NRXN1: variants seen among roughly 807,000 people sequenced by gnomAD.
The protein encoded by NRXN1 is neurexin 1, also known as neurexin-1.
Under a neutral mutation model 150.9 loss-of-function variants are expected in NRXN1, and 39 were observed. That is an observed-to-expected ratio of 0.26 (90% CI 0.20 to 0.34). The LOEUF (loss-of-function observed/expected upper bound fraction) is 0.34. Among genes scored for constraint, NRXN1 ranks in the 10% least tolerant of loss-of-function variants. The pLI, the probability that NRXN1 is intolerant of heterozygous loss-of-function variation, is 1.00. For missense variants in NRXN1, 1,815 were observed against 1,949.9 expected (o/e 0.93, Z 1.30); for synonymous variants, 924 against 757.0 (o/e 1.22, Z -3.62).
At chr2:50,447,919 G>C (rs1225549807) in intron 17 of NRXN1, among the ~76,000 whole-genome samples, 1 of 151,302 alleles carries the variant, frequency 6.6e-6, no homozygotes, top group African/African-American at 2.4e-5. Flanking sequence ...TATTAAGTCT[G>C]AGAGATGTGT....
chr2:50,491,609 G>C (rs559665386), intron 15 of NRXN1, among the ~76,000 whole-genome samples: 1 of 152,272 alleles, frequency 6.6e-6, no homozygotes, highest in South Asian at 2.1e-4. Flanking sequence ...AATCCTTGAA[G>C]GAGTTTTGGG....
intron 2 of NRXN1, among the ~76,000 whole-genome samples, chr2:50,960,963 A>G (rs932715957): frequency 3.3e-5 from 5 of 152,078 alleles, no homozygotes; most frequent in Non-Finnish European, 7.4e-5. Context: ...TAATCCTTAC[A>G]TTGGTCTCAT....
At position 50,951,968 on chromosome 2, in the gene NRXN1, T is replaced by A. The variant is rs1159708122; in HGVS notation, c.773-26013A>T. On this transcript the variant is annotated intron_variant, in intron 2 of 22. Transcript: ENST00000401669. ...ATATATATATATATATATATATTTT[T>A]TTTTTTTTTTTTTTTTGAGACGGAG... is the stretch of plus-strand genomic sequence containing the variant. Among the ~76,000 whole-genome samples the A allele has an allele frequency of 1.6e-3, 215 of 131,622 alleles. 1 individual carries two copies. Among genetic ancestry groups the A allele is most frequent in the African/African-American group, 6.0e-3 (208 of 34,436 alleles). 86.3% of individuals were successfully genotyped at this position (131,622 alleles called of 152,430 possible).
At chr2:50,335,782 T>C (rs2077149384) in intron 17 of NRXN1, among the ~76,000 whole-genome samples, 1 of 152,150 alleles carries the variant, frequency 6.6e-6, no homozygotes, top group Non-Finnish European at 1.5e-5. Context: ...ATTTCAACCC[T>C]TTGTCTTTTA....
intron 19 of NRXN1, among the ~76,000 whole-genome samples, chr2:50,059,058 A>G (rs535158342): frequency 2.6e-5 from 4 of 152,326 alleles, no homozygotes; most frequent in African/African-American, 4.8e-5. Flanking sequence ...GGAACTGGGT[A>G]ACAGGCAGAG....
chr2:50,172,345 G>T (rs1166646849), intron 18 of NRXN1, among the ~76,000 whole-genome samples: 1 of 152,012 alleles, frequency 6.6e-6, no homozygotes, highest in Non-Finnish European at 1.5e-5. Flanking sequence ...CTAATGAACT[G>T]AGCCTAACAA....
intron 2 of NRXN1, among the ~76,000 whole-genome samples, chr2:50,966,567 C>A (rs1403164158): frequency 6.6e-6 from 1 of 151,652 alleles, no homozygotes; most frequent in Non-Finnish European, 1.5e-5. Context: ...ATTAGAAAGG[C>A]ATTCTACACT....
chr2:50,673,743 T>A (rs1449118962), intron 5 of NRXN1, among the ~76,000 whole-genome samples: 1 of 152,254 alleles, frequency 6.6e-6, no homozygotes, highest in East Asian at 1.9e-4. Context: ...CATTCAGCAC[T>A]GATTAAACAC....
rs116162842 is a variant in NRXN1, at chr2:50,256,899, T to C, written c.3365-19929A>G. Among the ~76,000 whole-genome samples the C allele has an allele frequency of 4.3e-3, 660 of 152,166 alleles. 4 individuals carry two copies. The highest frequency in any genetic ancestry group is 0.015 in the African/African-American group (622 of 41,534). On this transcript the variant is annotated intron_variant, in intron 17 of 22. Coordinates refer to ENST00000401669, the MANE Select transcript of NRXN1 (RefSeq NM_001330078.2). Reference sequence around the variant, plus strand: ...CAGACTTCGAGATGGAAGCCAAAGGTTGAGAACTGTACAATCCTATCCTAG... The same window carrying C: ...CAGACTTCGAGATGGAAGCCAAAGGCTGAGAACTGTACAATCCTATCCTAG...
At chr2:50,940,256 C>T (rs1363707125) in intron 2 of NRXN1, among the ~76,000 whole-genome samples, 1 of 151,968 alleles carries the variant, frequency 6.6e-6, no homozygotes. Context: ...GGCGGAGGAT[C>T]ATGAGGTTAA....
intron 5 of NRXN1, among the ~76,000 whole-genome samples, chr2:50,809,480 T>C (rs1667934848): frequency 2.0e-5 from 3 of 152,100 alleles, no homozygotes; most frequent in Non-Finnish European, 4.4e-5. Flanking sequence ...AGAAATTAAG[T>C]GTTAACATGT....
chr2:50,378,797 A>T (rs1428940976), intron 17 of NRXN1, among the ~76,000 whole-genome samples: 1 of 152,174 alleles, frequency 6.6e-6, no homozygotes, highest in Non-Finnish European at 1.5e-5. Context: ...ATTCAACATC[A>T]AACAGGTAAC....
At chr2:50,295,491 T>C (rs1323453083) in intron 17 of NRXN1, among the ~76,000 whole-genome samples, 2 of 152,134 alleles carry the variant, frequency 1.3e-5, no homozygotes, top group Non-Finnish European at 1.5e-5. Flanking sequence ...GCAAAAAAAA[T>C]CATTTACTAC....
At chr2:50,733,821 T>G (rs1307970827) in intron 5 of NRXN1, among the ~76,000 whole-genome samples, 1 of 152,198 alleles carries the variant, frequency 6.6e-6, no homozygotes, top group Non-Finnish European at 1.5e-5. Context: ...AAATTGAACT[T>G]AACTAGCAAA....
Position 50,551,050 on chromosome 2 carries a change from G to GAAGAAGAAGAAGAAGAA in NRXN1, c.1759+1536_1759+1537insTTCTTCTTCTTCTTCTT, listed in dbSNP as rs1553775723. On this transcript the variant is annotated intron_variant, in intron 9 of 22. Transcript: ENST00000401669. Reference sequence around the variant, plus strand: ...AGGAAGAGGAAGAGGAAGAGGAAGAGGAAGAAGAAGAAGAAGAAGAAGAAG... The same window carrying GAAGAAGAAGAAGAAGAA: ...AGGAAGAGGAAGAGGAAGAGGAAGAGAAGAAGAAGAAGAAGAAGAAGAAGAAGAAGAAGAAGAAGAAG... Among the ~76,000 whole-genome samples the GAAGAAGAAGAAGAAGAA allele has an allele frequency of 1.1e-3, 87 of 78,918 alleles. 1 individual carries two copies. Among genetic ancestry groups the GAAGAAGAAGAAGAAGAA allele is most frequent in the East Asian group, 3.7e-3 (7 of 1,908 alleles). The allele number at this position is 78,918 out of a possible 152,430, so 51.8% of individuals were successfully genotyped here.
chr2:50,150,188 C>A (rs546790285), intron 18 of NRXN1, among the ~76,000 whole-genome samples: 16 of 151,688 alleles, frequency 1.1e-4, no homozygotes, highest in Non-Finnish European at 2.1e-4. Context: ...ATGAGCTGAC[C>A]TAGAGTTAAT....
At chr2:50,471,825 C>T (rs1404853837) in intron 16 of NRXN1, among the ~76,000 whole-genome samples, 3 of 151,616 alleles carry the variant, frequency 2.0e-5, no homozygotes, top group Non-Finnish European at 4.4e-5. Context: ...TACAAAAAAC[C>T]CCTATGACAC....
At chr2:50,035,534 T>A (rs1490489438) in intron 21 of NRXN1, among the ~76,000 whole-genome samples, 1 of 152,148 alleles carries the variant, frequency 6.6e-6, no homozygotes, top group Non-Finnish European at 1.5e-5. Flanking sequence ...ATAATATTCT[T>A]ATCCTCAGAG....
chr2:50,417,688 T>A (rs77526278), intron 17 of NRXN1, among the ~76,000 whole-genome samples: 1,948 of 151,804 alleles, frequency 0.013, 51 homozygotes, highest in African/African-American at 0.045. Flanking sequence ...GGACATAACT[T>A]GTTTGGTGGG....
Sources: gnomAD v4.1 joint callset for allele counts (sites outside exome capture counted in the v4.1 genomes callset) on GRCh38, gnomAD v4.1.1 for gene constraint, MANE v1.5 for transcripts, NCBI Gene and HGNC (gene_info 2026-07-23, HGNC 2026-07-21) for gene names.